TSNAXIP1: variants seen among roughly 807,000 people sequenced by gnomAD.
TSNAXIP1 encodes translin-associated factor X-interacting protein 1.
In TSNAXIP1, 89 loss-of-function variants were observed where a neutral mutation model predicts 84.8. That is an observed-to-expected ratio of 1.05 (90% CI 0.88 to 1.25). The LOEUF (loss-of-function observed/expected upper bound fraction) is 1.25. TSNAXIP1 is among the 50% of genes most tolerant of loss of function. The pLI is 0.00. For synonymous variants in TSNAXIP1, 347 were observed against 335.2 expected, an observed-to-expected ratio of 1.04 and a Z score of -0.39; for missense variants, 874 against 887.6, an observed-to-expected ratio of 0.98 and a Z score of 0.20.
intron 6 of TSNAXIP1, 86 bp downstream of exon 6, chr16:67,824,865 T>G: frequency 7.0e-7 from 1 of 1,425,516 alleles, no homozygotes; most frequent in Non-Finnish European, 9.6e-7. Flanking sequence ...TGCTCTGCCT[T>G]TCTACGGAGA....
At chr16:67,816,751 A>G (rs2056582883) in intron 2 of TSNAXIP1, among the ~76,000 whole-genome samples, 1 of 151,914 alleles carries the variant, frequency 6.6e-6, no homozygotes, top group South Asian at 2.1e-4. Context: ...TTTTACCTAC[A>G]GGGGGAAGCA....
rs768270359 is a variant in TSNAXIP1, at chr16:67,825,254, T to C, written c.796T>C (p.Ser266Pro). The C allele has an allele frequency of 3.1e-6, 5 of 1,613,976 alleles. No homozygotes were observed. Among genetic ancestry groups the C allele is most frequent in the Non-Finnish European group, 3.4e-6 (4 of 1,180,008 alleles). Reference protein sequence around the residue: ...NELRYQREDMSLAQSPGIWGE... With the variant: ...NELRYQREDMPLAQSPGIWGE... ...GCTGCGGTACCAGCGGGAGGACATG[T>C]CATTAGCCCAGTCGCCAGGTAAGCC... is the stretch of plus-strand genomic sequence containing the variant. Residue 266 changes from serine (S) to proline (P), a missense_variant, in exon 7 of 16, where the codon TCA becomes CCA. Physicochemically the swap from Ser to Pro is moderately conservative, Grantham distance 74 (BLOSUM62 -1). Transcript: ENST00000561639.
At position 67,826,265 on chromosome 16, in the gene TSNAXIP1, GACT is replaced by G; in HGVS notation, c.1259_1261del (p.Asp420_Phe421delinsVal). ...TGGTTCGGGGCTGCTGCGGGAGAAA[GACT>G]TCTTCCCTGGTCTGGTAGGGGAGGC... On this transcript the variant is annotated inframe_deletion, in exon 10 of 16. Transcript: ENST00000561639. The G allele has an allele frequency of 6.3e-7, 1 of 1,580,522 alleles. No homozygotes were observed. Among genetic ancestry groups the G allele is most frequent in the South Asian group, 1.2e-5 (1 of 85,174 alleles).
At chr16:67,814,535 CAGTT>C (rs2056381540) in intron 2 of TSNAXIP1, 134 bp downstream of exon 2, 2 of 758,206 alleles carry the variant, frequency 2.6e-6, no homozygotes, top group East Asian at 2.7e-5. Flanking sequence ...GGCTTCTTCT[CAGTT>C]AGAGAGTGTG....
rs982244435 is a variant in TSNAXIP1, at chr16:67,806,912, C to T, written c.-238C>T. On this transcript the variant is annotated 5_prime_UTR_variant, in exon 1 of 16. Coordinates refer to ENST00000561639, the MANE Select transcript of TSNAXIP1 (RefSeq NM_001288990.3). ...TCATCCCCCTGCCTCAGTTCTGGTACCTGGGGTCAAATCGGCTGTAGTGGT... is the reference window on the plus strand; with the variant it reads ...TCATCCCCCTGCCTCAGTTCTGGTATCTGGGGTCAAATCGGCTGTAGTGGT... The T allele has an allele frequency of 3.2e-6, 2 of 627,878 alleles. No homozygotes were observed. The highest frequency in any genetic ancestry group is 5.5e-6 in the Non-Finnish European group (2 of 363,980). The allele number at this position is 627,878 out of a possible 1,614,324, so 38.9% of individuals were successfully genotyped here.
intron 4 of TSNAXIP1, among the ~76,000 whole-genome samples, chr16:67,822,755 A>G (rs1003660245): frequency 1.3e-5 from 2 of 152,220 alleles, no homozygotes; most frequent in African/African-American, 4.8e-5. Context: ...GGGGCCTTAC[A>G]TCGATCTCCT....
chr16:67,818,191 A>G (rs1172762920), intron 2 of TSNAXIP1, among the ~76,000 whole-genome samples: 3 of 152,198 alleles, frequency 2.0e-5, no homozygotes, highest in Non-Finnish European at 4.4e-5. Context: ...CCTGGGCGAC[A>G]GAGCGAGACT....
At chr16:67,822,324 G>A (rs559203634) in intron 4 of TSNAXIP1, among the ~76,000 whole-genome samples, 2 of 151,642 alleles carry the variant, frequency 1.3e-5, no homozygotes, top group East Asian at 3.9e-4. Flanking sequence ...AGGCAAGGCT[G>A]CAATGTGGAT....
chr16:67,807,299 C>T (rs1482132452), intron 1 of TSNAXIP1, 103 bp downstream of exon 1: 1 of 1,534,750 alleles, frequency 6.5e-7, no homozygotes, highest in Non-Finnish European at 8.7e-7. Flanking sequence ...GGCCTCTGAC[C>T]ATTGATCTAG....
intron 7 of TSNAXIP1, 129 bp downstream of exon 7, chr16:67,825,401 G>T (rs1488066928): frequency 7.5e-7 from 1 of 1,335,518 alleles, no homozygotes; most frequent in East Asian, 2.3e-5. Flanking sequence ...GAGGGGAGAT[G>T]TCCCTGCCTC....
chr16:67,825,562 C>A, intron 7 of TSNAXIP1, 105 bp from the exon 8 acceptor site: 1 of 1,443,290 alleles, frequency 6.9e-7, no homozygotes, highest in Non-Finnish European at 9.4e-7. Flanking sequence ...GCTGGTAGTG[C>A]TGTGGGCAAG....
Position 67,827,790 on chromosome 16 carries a change from C to G in TSNAXIP1, c.1936C>G (p.Leu646Val). 1 of 1,614,156 alleles carries G rather than the reference C, an allele frequency of 6.2e-7. No individual in the cohort carries two copies. Among genetic ancestry groups the G allele is most frequent in the Non-Finnish European group, 8.5e-7 (1 of 1,180,028 alleles). The change falls in exon 16 of 16, where the codon CTG becomes GTG. Residue 646 changes from leucine (L) to valine (V), a missense_variant. Transcript: ENST00000561639. ...GACTCTGCCCAAGCTGCGAGGGGGC[C>G]TGATGACCATCGACCCCAGCCTGGA... ...EVTLPKLRGG[L>V]MTIDPSLDKQ...
chr16:67,814,317 T>C lies in TSNAXIP1; in HGVS notation c.63T>C (p.Pro21=), dbSNP rs2056364415. 6.5e-7 allele frequency: 1 copy of C among 1,535,906 alleles called. No individual in the cohort carries two copies. Among genetic ancestry groups the C allele is most frequent in the African/African-American group, 1.4e-5 (1 of 73,024 alleles). ...CTCTGTGCAGATTACAGCCACGGCC[T>C]TCAGGAGTGACCATAGACGAATCCT... ...FSSASRLQPR[P]SGVTIDESFL... The change falls in exon 2 of 16, where the codon CCT becomes CCC. Residue 21 remains proline, a synonymous_variant. Coordinates refer to ENST00000561639, the MANE Select transcript of TSNAXIP1 (RefSeq NM_001288990.3).
chr16:67,827,647 C>T (rs2057567188), intron 15 of TSNAXIP1, 68 bp downstream of exon 15: 1 of 1,610,180 alleles, frequency 6.2e-7, no homozygotes, highest in Admixed American at 1.7e-5. Flanking sequence ...TCTCCCTGTG[C>T]ACCATGCACC....
At position 67,826,808 on chromosome 16, in the gene TSNAXIP1, G is replaced by T; in HGVS notation, c.1518G>T (p.Glu506Asp). 1.2e-6 allele frequency: 2 copies of T among 1,613,950 alleles called. No homozygotes were observed. The highest frequency in any genetic ancestry group is 1.7e-6 in the Non-Finnish European group (2 of 1,180,028). Residue 506 changes from glutamate to aspartate, a missense_variant, in exon 12 of 16, where the codon GAG (glutamate) becomes GAT (aspartate). By Grantham distance (45) the Glu-to-Asp change is conservative. Transcript: ENST00000561639. ...ATATCAAGATCTTCCACTCCAACGAGGTTATGAGTCAGTTCTATGCAGTCT... is the reference window on the plus strand; with the variant it reads ...ATATCAAGATCTTCCACTCCAACGATGTTATGAGTCAGTTCTATGCAGTCT... ...FENIKIFHSN[E>D]VMSQFYAVLM...
At chr16:67,811,362 C>CA (rs2056063063) in intron 1 of TSNAXIP1, among the ~76,000 whole-genome samples, 2 of 151,866 alleles carry the variant, frequency 1.3e-5, no homozygotes, top group Non-Finnish European at 2.9e-5. Context: ...TAGAATTCCC[C>CA]AATTTTCTTG....
At chr16:67,812,957 G>A (rs997311862) in intron 1 of TSNAXIP1, among the ~76,000 whole-genome samples, 2 of 151,894 alleles carry the variant, frequency 1.3e-5, no homozygotes, top group Non-Finnish European at 2.9e-5. Context: ...GTTTTACTCT[G>A]TCACCCAGGC....
intron 4 of TSNAXIP1, among the ~76,000 whole-genome samples, chr16:67,821,748 G>A (rs1272270909): frequency 6.6e-6 from 1 of 150,794 alleles, no homozygotes; most frequent in Non-Finnish European, 1.5e-5. Context: ...CCAGCACTTC[G>A]GGAGGCTGAG....
At chr16:67,809,987 A>G (rs2055901199) in intron 1 of TSNAXIP1, among the ~76,000 whole-genome samples, 2 of 152,084 alleles carry the variant, frequency 1.3e-5, no homozygotes, top group African/African-American at 4.8e-5. Context: ...AAAAAATACA[A>G]CATCATTAAT....
Sources: gnomAD v4.1 joint callset for allele counts (sites outside exome capture counted in the v4.1 genomes callset) on GRCh38, gnomAD v4.1.1 for gene constraint, MANE v1.5 for transcripts, NCBI Gene and HGNC (gene_info 2026-07-23, HGNC 2026-07-21) for gene names.